The following IL11 variants were observed in gnomAD, a reference collection of about 807,000 sequenced individuals.
IL11 encodes interleukin-11.
A neutral mutation model predicts 18.1 loss-of-function variants in IL11; 17 were observed. That is an observed-to-expected ratio of 0.94 (90% CI 0.64 to 1.41). The LOEUF is 1.41. Ranked by LOEUF, IL11 falls within the 40% of genes most tolerant of loss-of-function variation. The probability of loss-of-function intolerance (pLI) is 0.00; values close to 1 mark genes in which losing one functional copy is unlikely to be tolerated. For synonymous variants in IL11, 144 were observed against 134.1 expected (o/e 1.07, Z -0.51); for missense variants, 309 against 262.8 (o/e 1.18, Z -1.22).
chr19:55,367,752 G>A (rs980902663), intron 4 of IL11, among the ~76,000 whole-genome samples: 2 of 152,096 alleles, frequency 1.3e-5, no homozygotes, highest in Non-Finnish European at 2.9e-5. Context: ...GAGCCACCAC[G>A]CCTGGCCAGG....
At position 55,365,599 on chromosome 19, in the gene IL11, A is replaced by G; in HGVS notation, c.*408T>C. On this transcript the variant is annotated 3_prime_UTR_variant, in exon 5 of 5. Transcript: ENST00000264563. ...TTTAATTCCCTGTTCTCTGTCTCAC[A>G]AAGGTTTCTCACATTTTTGTACAAA... 4.9e-6 allele frequency: 1 copy of G among 205,754 alleles called. No individual in the cohort carries two copies. The highest frequency in any genetic ancestry group is 9.8e-6 in the Non-Finnish European group (1 of 102,546). 12.7% of individuals were successfully genotyped at this position (205,754 alleles called of 1,614,324 possible).
intron 4 of IL11, among the ~76,000 whole-genome samples, chr19:55,367,122 A>G (rs889397540): frequency 3.3e-5 from 5 of 152,168 alleles, no homozygotes; most frequent in African/African-American, 1.2e-4. Flanking sequence ...TTTGAGATCC[A>G]GGGTCTTTGG....
Position 55,365,912 on chromosome 19 carries a change from C to G in IL11, c.*95G>C. ...GTCTCTAACTAGGGGGAGATAATGG[C>G]GGGGGGATCACCTGGCTGTTTCGCC... is the stretch of plus-strand genomic sequence containing the variant. On this transcript the variant is annotated 3_prime_UTR_variant, in exon 5 of 5. Coordinates refer to ENST00000264563, the MANE Select transcript of IL11 (RefSeq NM_000641.4). 6.6e-7 allele frequency: 1 copy of G among 1,524,086 alleles called. No individual in the cohort carries two copies. Among genetic ancestry groups the G allele is most frequent in the Non-Finnish European group, 8.8e-7 (1 of 1,133,012 alleles). The allele number at this position is 1,524,086 out of a possible 1,614,324, so 94.4% of individuals were successfully genotyped here.
Position 55,364,590 on chromosome 19 carries a change from A to G in IL11, c.*1417T>C, listed in dbSNP as rs2089773581. On this transcript the variant is annotated 3_prime_UTR_variant, in exon 5 of 5. Coordinates refer to ENST00000264563, the MANE Select transcript of IL11 (RefSeq NM_000641.4). Reference sequence around the variant, plus strand: ...TTTGTTTTAATCCATATATAGAAAGAAAAACACAAAATTGGGATCACAGCA... The same window carrying G: ...TTTGTTTTAATCCATATATAGAAAGGAAAACACAAAATTGGGATCACAGCA... 1 of 152,200 alleles carries G rather than the reference A, an allele frequency of 6.6e-6. No individual in the cohort carries two copies. The highest frequency in any genetic ancestry group is 2.4e-5 in the African/African-American group (1 of 41,454). The allele number at this position is 152,200 out of a possible 1,614,324, so 9.4% of individuals were successfully genotyped here.
At chr19:55,370,266 C>T (rs1401706536) in intron 1 of IL11, 38 bp downstream of exon 1, 2 of 1,470,512 alleles carry the variant, frequency 1.4e-6, no homozygotes, top group Middle Eastern at 1.7e-4. Context: ...TCCTCCCTGC[C>T]TCCCTGTCCC....
At position 55,368,866 on chromosome 19, in the gene IL11, G is replaced by A; in HGVS notation, c.83C>T (p.Pro28Leu). The A allele has an allele frequency of 6.3e-7, 1 of 1,576,434 alleles. No individual in the cohort carries two copies. ...TAVAPGPPPG[P>L]PRVSPDPRAE... Reference sequence around the variant, plus strand: ...CCGAGGGTCTGGGGAAACTCGAGGGGGGCCAGGTGGTGGCCCAGGGGCGAC... The same window carrying A: ...CCGAGGGTCTGGGGAAACTCGAGGGAGGCCAGGTGGTGGCCCAGGGGCGAC... The change falls in exon 2 of 5, where the codon CCC (proline) becomes CTC (leucine). Residue 28 changes from proline to leucine, a missense_variant. Coordinates refer to ENST00000264563, the MANE Select transcript of IL11 (RefSeq NM_000641.4).
rs1406358606 is a variant in IL11 at position 55,369,035 on chromosome 19, C to A, written c.8-94G>T. ...ACTCCCGGGTCTGAGGGAGGAGGAACTGGGGTCTGGACTCCTCCTGGGTCT... is the reference window on the plus strand; with the variant it reads ...ACTCCCGGGTCTGAGGGAGGAGGAAATGGGGTCTGGACTCCTCCTGGGTCT... On this transcript the variant is annotated intron_variant, in intron 1 of 4. Transcript: ENST00000264563. This position sits in a 1 kb window ranked among gnomAD's most constrained non-coding sequence, Gnocchi z 6.1. 3.4e-6 allele frequency: 4 copies of A among 1,171,870 alleles called. No individual in the cohort carries two copies. Among genetic ancestry groups the A allele is most frequent in the Non-Finnish European group, 4.7e-6 (4 of 852,158 alleles). The allele number at this position is 1,171,870 out of a possible 1,614,324, so 72.6% of individuals were successfully genotyped here.
rs1226040940 is a variant in IL11, at chr19:55,369,464, C to T, written c.8-523G>A. On this transcript the variant is annotated intron_variant, in intron 1 of 4. Coordinates refer to ENST00000264563, the MANE Select transcript of IL11 (RefSeq NM_000641.4). The surrounding 1 kb of genome is among the most constrained non-coding windows in gnomAD (Gnocchi z 6.1). ...GAAGGAGCCAGAAGCCAGGACGGAG[C>T]CCGGGAGACACGGACCTCTCCCACG... Among the ~76,000 whole-genome samples, 1 of 151,486 alleles carries T rather than the reference C, an allele frequency of 6.6e-6. No individual in the cohort carries two copies. The highest frequency in any genetic ancestry group is 1.5e-5 in the Non-Finnish European group (1 of 67,788).
At chr19:55,367,639 T>C (rs1022928737) in intron 4 of IL11, among the ~76,000 whole-genome samples, 1 of 151,888 alleles carries the variant, frequency 6.6e-6, no homozygotes, top group Non-Finnish European at 1.5e-5. Flanking sequence ...TTTGTATTTT[T>C]AGTAGAGACA....
At chr19:55,367,764 C>T (rs2089794765) in intron 4 of IL11, among the ~76,000 whole-genome samples, 1 of 151,982 alleles carries the variant, frequency 6.6e-6, no homozygotes, top group Non-Finnish European at 1.5e-5. Flanking sequence ...CTGGCCAGGT[C>T]CATGGTTTTC....
rs4252577 is a variant in IL11, at chr19:55,365,985, G to A, written c.*22C>T. On this transcript the variant is annotated 3_prime_UTR_variant, in exon 5 of 5. Transcript: ENST00000264563. ...AAATAAGATCTGGCTTTGGAAGGAC[G>A]GTGGTGGCTTTGGGCCCCGGGTCAC... 4.4e-4 allele frequency: 699 copies of A among 1,585,944 alleles called. 1 individual carries two copies. Among genetic ancestry groups the A allele is most frequent in the Non-Finnish European group, 5.6e-4 (654 of 1,167,312 alleles).
At chr19:55,368,073 G>C (rs1229898075) in intron 4 of IL11, 137 bp downstream of exon 4, 1 of 703,410 alleles carries the variant, frequency 1.4e-6, no homozygotes, top group East Asian at 2.7e-5. Flanking sequence ...TCTCAGAGCG[G>C]GCTGTTAGGG....
chr19:55,368,567 C>T lies in IL11; in HGVS notation c.183G>A (p.Arg61=), dbSNP rs1361355886. The change falls in exon 3 of 5, where the codon AGG becomes AGA. Residue 61 remains arginine (R), a splice_region_variant and synonymous_variant. Transcript: ENST00000264563. ...GGTCCCCGTCAGCTGGGAATTTGTC[C>T]CTCTGGCAGGGAAAAAAGCTGTGAG... is the stretch of plus-strand genomic sequence containing the variant. ...ADTRQLAAQL[R]DKFPADGDHN... The T allele has an allele frequency of 6.2e-7, 1 of 1,610,686 alleles. No homozygotes were observed. Among genetic ancestry groups the T allele is most frequent in the South Asian group, 1.1e-5 (1 of 90,262 alleles).
rs758912594 is a variant in IL11 at position 55,366,466 on chromosome 19, C to T, written c.430-289G>A. Among the ~76,000 whole-genome samples the T allele has an allele frequency of 4.6e-5, 7 of 151,788 alleles. No homozygotes were observed. The highest frequency in any genetic ancestry group is 2.1e-4 in the South Asian group (1 of 4,802). ...GGATCGGGCCTGGGACTGTTAGAGT[C>T]GCCGGGGCTGGAATCTCAGAGCTGG... On this transcript the variant is annotated intron_variant, in intron 4 of 4. Transcript: ENST00000264563. The surrounding 1 kb of genome is among the most constrained non-coding windows in gnomAD (Gnocchi z 4.6).
intron 4 of IL11, among the ~76,000 whole-genome samples, chr19:55,367,431 C>T (rs2089792031): frequency 6.8e-6 from 1 of 146,416 alleles, no homozygotes; most frequent in African/African-American, 2.5e-5. Context: ...GTCTGGAGGT[C>T]CATGGTTTTC....
chr19:55,368,943 TG>T lies in IL11; in HGVS notation c.8-3del. ...CGACCAGGACCAGGCGGCAAACACC[TG>T]GGGGCAGGATAAGGCAGAGAGCTCA... On this transcript the variant is annotated splice_region_variant and splice_polypyrimidine_tract_variant and intron_variant, in intron 1 of 4. Coordinates refer to ENST00000264563, the MANE Select transcript of IL11 (RefSeq NM_000641.4). 7 of 1,503,936 alleles carry T rather than the reference TG, an allele frequency of 4.7e-6. No homozygotes were observed. The highest frequency in any genetic ancestry group is 4.8e-5 in the East Asian group (2 of 41,294). 93.2% of individuals were successfully genotyped at this position (1,503,936 alleles called of 1,614,324 possible).
intron 4 of IL11, among the ~76,000 whole-genome samples, chr19:55,367,528 T>G (rs1161734747): frequency 6.8e-6 from 1 of 146,094 alleles, no homozygotes; most frequent in Non-Finnish European, 1.5e-5. Context: ...TGGTGCGATC[T>G]CGGCTCACTG....
rs1250482362 is a variant in IL11, at chr19:55,369,704, C to G, written c.7+600G>C. ...CCGGCCGCCCCGCCCACCCGGCCAC[C>G]CGCCAGCCAATCAGCGCTCCCCGGC... On this transcript the variant is annotated intron_variant, in intron 1 of 4. Transcript: ENST00000264563. This position sits in a 1 kb window ranked among gnomAD's most constrained non-coding sequence, Gnocchi z 6.1. Among the ~76,000 whole-genome samples, 1 of 146,294 alleles carries G rather than the reference C, an allele frequency of 6.8e-6. No individual in the cohort carries two copies. Among genetic ancestry groups the G allele is most frequent in the African/African-American group, 2.5e-5 (1 of 40,544 alleles).
In IL11 at chr19:55,368,299, C is replaced by G. The variant is rs765092574; in HGVS notation, c.340G>C (p.Ala114Pro). 2 of 1,577,648 alleles carry G rather than the reference C, an allele frequency of 1.3e-6. No individual in the cohort carries two copies. Among genetic ancestry groups the G allele is most frequent in the East Asian group, 4.7e-5 (2 of 42,996 alleles). The change falls in exon 4 of 5, where the codon GCA becomes CCA. Residue 114 changes from alanine to proline, a missense_variant. Coordinates refer to ENST00000264563, the MANE Select transcript of IL11 (RefSeq NM_000641.4). ...YLRHVQWLRR[A>P]GGSSLKTLEP... is the part of the protein sequence containing the mutation. ...AGGGTCTTCAGGGAAGAGCCACCTGCCCGGCGCAGCCACTGCACGTGCCGC... is the reference window on the plus strand; with the variant it reads ...AGGGTCTTCAGGGAAGAGCCACCTGGCCGGCGCAGCCACTGCACGTGCCGC...
Sources: gnomAD v4.1 joint callset for allele counts (sites outside exome capture counted in the v4.1 genomes callset) on GRCh38, gnomAD v4.1.1 for gene constraint, Gnocchi (gnomAD v3.1) non-coding constraint, MANE v1.5 for transcripts, NCBI Gene and HGNC (gene_info 2026-07-23, HGNC 2026-07-21) for gene names.